MIAT: variants seen among roughly 807,000 people sequenced by gnomAD.
The protein encoded by MIAT is myocardial infarction associated transcript, also known as MI related novel mRNA.
At chr22:26,650,829 C>G (rs983244306) in intron 2 of MIAT, among the ~76,000 whole-genome samples, 1 of 152,196 alleles carries the variant, frequency 6.6e-6, no homozygotes, top group African/African-American at 2.4e-5. Context: ...AGTCTGAGGG[C>G]AGCTTCTGGA....
At chr22:26,655,623 G>C (rs1253818504) in intron 2 of MIAT, among the ~76,000 whole-genome samples, 1 of 152,176 alleles carries the variant, frequency 6.6e-6, no homozygotes, top group African/African-American at 2.4e-5. Context: ...TGTGGAGCTT[G>C]CCTAAGGTCA....
chr22:26,673,190 C>A (rs374833128), downstream of MIAT: 12 of 398,608 alleles, frequency 3.0e-5, no homozygotes, highest in East Asian at 1.1e-4. Flanking sequence ...GATGCTCAGG[C>A]CGGCCAGGAA....
chr22:26,658,684 G>T (rs1212539889), intron 2 of MIAT, among the ~76,000 whole-genome samples: 1 of 152,314 alleles, frequency 6.6e-6, no homozygotes, highest in African/African-American at 2.4e-5. Flanking sequence ...CTCATCCCAG[G>T]CTCCGGATCC....
exon 1 of MIAT, chr22:26,646,674 T>C (rs1930240807): frequency 2.5e-6 from 1 of 398,644 alleles, no homozygotes; most frequent in African/African-American, 2.1e-5. Context: ...CCGGCATCAC[T>C]GGACTGTTAA....
chr22:26,647,105 T>C, intron 1 of MIAT: 1 of 398,352 alleles, frequency 2.5e-6, no homozygotes, highest in Non-Finnish European at 4.4e-6. Flanking sequence ...ACCGTCAGCA[T>C]GGCTGTATTG....
At chr22:26,676,327 T>C (rs1185781496) in exon 5 of MIAT, 1 of 398,488 alleles carries the variant, frequency 2.5e-6, no homozygotes, top group Non-Finnish European at 4.4e-6. Flanking sequence ...GGATACCGAA[T>C]GTGTGGGTAG....
downstream of MIAT, chr22:26,674,367 AGGT>A (rs556228692): frequency 2.0e-4 from 81 of 398,684 alleles, no homozygotes; most frequent in Non-Finnish European, 2.9e-4. Flanking sequence ...TGCAGGTAAA[AGGT>A]GGCACTAGTT....
chr22:26,651,176 A>G (rs1930330147), intron 2 of MIAT, among the ~76,000 whole-genome samples: 2 of 152,200 alleles, frequency 1.3e-5, no homozygotes, highest in Non-Finnish European at 2.9e-5. Context: ...CTGCTCTACA[A>G]TCACTCACTG....
At chr22:26,653,268 A>G (rs1438588320) in intron 2 of MIAT, among the ~76,000 whole-genome samples, 1 of 152,186 alleles carries the variant, frequency 6.6e-6, no homozygotes. Context: ...GAGGCCACAC[A>G]GGTATTGGCA....
At chr22:26,656,370 G>C (rs5761663) in intron 2 of MIAT, among the ~76,000 whole-genome samples, 59,185 of 148,952 alleles carry the variant, frequency 0.4, 11,829 homozygotes, top group Middle Eastern at 0.44. Flanking sequence ...TGTCACCCGG[G>C]CTAGAGTACA....
At chr22:26,656,382 TGGCGCGACCTC>T (rs1251464635) in intron 2 of MIAT, among the ~76,000 whole-genome samples, 1 of 150,644 alleles carries the variant, frequency 6.6e-6, no homozygotes, top group Non-Finnish European at 1.5e-5. Context: ...TAGAGTACAG[TGGCGCGACCTC>T]GGCTCACTGC....
chr22:26,661,108 C>A (rs1930647295), intron 2 of MIAT, among the ~76,000 whole-genome samples: 1 of 152,154 alleles, frequency 6.6e-6, no homozygotes, highest in Non-Finnish European at 1.5e-5. Context: ...GGTTTGTCTC[C>A]TGGGTGATTA....
At chr22:26,674,528 T>G, downstream of MIAT, 1 of 398,830 alleles carries the variant, frequency 2.5e-6, no homozygotes, top group Non-Finnish European at 4.4e-6. Flanking sequence ...TGAATGCTAG[T>G]CTGGTGCTGA....
chr22:26,660,293 G>A (rs1171027347), intron 2 of MIAT, among the ~76,000 whole-genome samples: 7 of 151,412 alleles, frequency 4.6e-5, no homozygotes, highest in Non-Finnish European at 8.8e-5. Flanking sequence ...TCAACATGGC[G>A]AAACCCTGTC....
downstream of MIAT, chr22:26,674,223 G>A (rs2146022820): frequency 2.5e-6 from 1 of 398,648 alleles, no homozygotes; most frequent in Non-Finnish European, 4.4e-6. Context: ...AGCTCTTCTA[G>A]CATAAACTCT....
intron 2 of MIAT, among the ~76,000 whole-genome samples, chr22:26,655,291 G>A (rs1262564065): frequency 6.6e-6 from 1 of 152,146 alleles, no homozygotes; most frequent in Non-Finnish European, 1.5e-5. Context: ...TGAAGACCAG[G>A]GCTGGTCCCA....
exon 4 of MIAT, chr22:26,665,833 G>A: frequency 2.5e-6 from 1 of 398,606 alleles, no homozygotes; most frequent in Non-Finnish European, 4.4e-6. Flanking sequence ...TGGCGTTAGG[G>A]CTAGTATTTC....
At chr22:26,672,856 C>T (rs1265881090), downstream of MIAT, 1 of 398,464 alleles carries the variant, frequency 2.5e-6, no homozygotes, top group Non-Finnish European at 4.4e-6. Flanking sequence ...AGAAACATTT[C>T]TCATATTTGA....
In MIAT at chr22:26,661,554, G is replaced by T. The variant is rs564579857; in HGVS notation, n.647-1762G>T. On this transcript the variant is annotated intron_variant and non_coding_transcript_variant, in intron 2 of 5. Coordinates refer to ENST00000643270, the Ensembl canonical transcript of MIAT. Reference sequence around the variant, plus strand: ...TTCTTGCTGAGTGCTGCATCATGGAGACTCCATGATAAGGCAGGGATTAGG... The same window carrying T: ...TTCTTGCTGAGTGCTGCATCATGGATACTCCATGATAAGGCAGGGATTAGG... 4.6e-5 allele frequency among the ~76,000 whole-genome samples: 7 copies of T among 152,254 alleles called. No individual in the cohort carries two copies. The East Asian group carries it at 1.2e-3, about 25-fold the overall frequency.
Sources: gnomAD v4.1 joint callset for allele counts (sites outside exome capture counted in the v4.1 genomes callset) on GRCh38, gnomAD v4.1.1 for gene constraint, MANE v1.5 for transcripts, NCBI Gene and HGNC (gene_info 2026-07-23, HGNC 2026-07-21) for gene names.